KCNH7: variants seen among roughly 807,000 people sequenced by gnomAD.
The protein encoded by KCNH7 is potassium voltage-gated channel subfamily H member 7.
A neutral mutation model predicts 120.8 loss-of-function variants in KCNH7; 49 were observed. That is an observed-to-expected ratio of 0.41 (90% CI 0.32 to 0.51). The LOEUF (loss-of-function observed/expected upper bound fraction) is 0.51, where lower values mean the gene tolerates loss of function less well. Among genes scored for constraint, KCNH7 ranks in the 20% least tolerant of loss-of-function variants. The probability of loss-of-function intolerance (pLI) is 0.38; values close to 1 mark genes in which losing one functional copy is unlikely to be tolerated. For synonymous variants in KCNH7, 547 were observed against 516.1 expected, an observed-to-expected ratio of 1.06 and a Z score of -0.81; for missense variants, 1,097 against 1,446.6, an observed-to-expected ratio of 0.76 and a Z score of 3.92.
chr2:162,500,678 A>C lies in KCNH7; in HGVS notation c.1128+3765T>G, dbSNP rs192114858. Among the ~76,000 whole-genome samples the C allele has an allele frequency of 1.4e-4, 22 of 152,190 alleles. No homozygotes were observed. In the East Asian group the frequency reaches 4.3e-3, roughly 30 times the overall value. On this transcript the variant is annotated intron_variant, in intron 6 of 15. Coordinates refer to ENST00000332142, the MANE Select transcript of KCNH7 (RefSeq NM_033272.4). ...ATTTATTGTTGAATAATCTATAAGC[A>C]AAATCTTGACTTCTTTTGAAGAAAG... is the stretch of plus-strand genomic sequence containing the variant.
intron 2 of KCNH7, among the ~76,000 whole-genome samples, chr2:162,708,563 G>A (rs1686799225): frequency 1.3e-5 from 2 of 152,126 alleles, no homozygotes; most frequent in East Asian, 1.9e-4. Context: ...GTGAAGCTCA[G>A]GAAGCTCATC....
chr2:162,665,301 C>A (rs2105285588), intron 2 of KCNH7, among the ~76,000 whole-genome samples: 1 of 152,026 alleles, frequency 6.6e-6, no homozygotes, highest in South Asian at 2.1e-4. Context: ...CAAACAAAAT[C>A]CTCATTTTTA....
At chr2:162,551,944 A>AT in intron 2 of KCNH7, among the ~76,000 whole-genome samples, 1 of 152,140 alleles carries the variant, frequency 6.6e-6, no homozygotes, top group Non-Finnish European at 1.5e-5. Flanking sequence ...GAAATGTAAC[A>AT]TTTTTCTGTA....
intron 2 of KCNH7, among the ~76,000 whole-genome samples, chr2:162,807,075 A>C (rs1435997163): frequency 6.6e-6 from 1 of 151,686 alleles, no homozygotes; most frequent in Non-Finnish European, 1.5e-5. Context: ...ATCAAAATGC[A>C]ATCGATGACC....
intron 2 of KCNH7, among the ~76,000 whole-genome samples, chr2:162,809,417 A>G (rs1166837241): frequency 6.6e-6 from 1 of 152,184 alleles, no homozygotes; most frequent in Admixed American, 6.5e-5. Context: ...TCAGAATGAC[A>G]TTTTAGAAAT....
intron 4 of KCNH7, 96 bp downstream of exon 4, chr2:162,517,634 A>G (rs1175070644): frequency 6.6e-6 from 7 of 1,053,610 alleles, no homozygotes; most frequent in South Asian, 1.8e-5. Context: ...TCTTTCCCCA[A>G]TGCACAGAGA....
intron 8 of KCNH7, among the ~76,000 whole-genome samples, chr2:162,432,687 T>C (rs1193514909): frequency 6.6e-6 from 1 of 151,910 alleles, no homozygotes; most frequent in Non-Finnish European, 1.5e-5. Context: ...AGCAATCTGT[T>C]GCAAACCCAC....
chr2:162,672,884 A>G (rs1319895516), intron 2 of KCNH7, among the ~76,000 whole-genome samples: 2 of 152,030 alleles, frequency 1.3e-5, no homozygotes, highest in Non-Finnish European at 2.9e-5. Flanking sequence ...AACAGCTCAA[A>G]TTTACTGATG....
intron 2 of KCNH7, among the ~76,000 whole-genome samples, chr2:162,815,294 T>C (rs1684879630): frequency 6.6e-6 from 1 of 152,186 alleles, no homozygotes; most frequent in Admixed American, 6.5e-5. Context: ...AGATTACAAA[T>C]AGATATAAGT....
At chr2:162,384,342 TAC>T (rs1686512057) in intron 13 of KCNH7, among the ~76,000 whole-genome samples, 2 of 151,858 alleles carry the variant, frequency 1.3e-5, no homozygotes, top group South Asian at 4.1e-4. Context: ...GTACATAAGA[TAC>T]ATATAAAGAA....
At chr2:162,663,035 C>T (rs1313718015) in intron 2 of KCNH7, among the ~76,000 whole-genome samples, 3 of 152,130 alleles carry the variant, frequency 2.0e-5, no homozygotes, top group Non-Finnish European at 4.4e-5. Flanking sequence ...TAAGGCTTCT[C>T]TTACATGGTG....
In KCNH7 at chr2:162,808,532, T is replaced by C. The variant is rs1684627810; in HGVS notation, c.307+28005A>G. On this transcript the variant is annotated intron_variant, in intron 2 of 15. Coordinates refer to ENST00000332142, the MANE Select transcript of KCNH7 (RefSeq NM_033272.4). ...TTGTTTTTACTAAATTTGTATTAAC[T>C]TTTAAGTGATTTTTAAATTTAAAAA... 3.3e-5 allele frequency among the ~76,000 whole-genome samples: 5 copies of C among 152,224 alleles called. No homozygotes were observed. In the South Asian group the frequency reaches 6.2e-4, roughly 19 times the overall value.
chr2:162,524,391 G>T (rs757898768), intron 3 of KCNH7, among the ~76,000 whole-genome samples: 12 of 152,018 alleles, frequency 7.9e-5, no homozygotes, highest in Middle Eastern at 3.2e-3. Flanking sequence ...CCAGGGAGGG[G>T]CAGCAGTGTA....
intron 2 of KCNH7, among the ~76,000 whole-genome samples, chr2:162,687,888 G>T (rs552172891): frequency 1.3e-5 from 2 of 152,108 alleles, no homozygotes; most frequent in Non-Finnish European, 2.9e-5. Context: ...CTATGTGTAT[G>T]TACAATGCAG....
chr2:162,399,901 T>G (rs1687020285), intron 10 of KCNH7, among the ~76,000 whole-genome samples: 1 of 151,898 alleles, frequency 6.6e-6, no homozygotes, highest in African/African-American at 2.4e-5. Flanking sequence ...AAAAAGAATA[T>G]GCTTACTATT....
intron 2 of KCNH7, among the ~76,000 whole-genome samples, chr2:162,685,954 A>G (rs148904323): frequency 4.7e-4 from 72 of 152,238 alleles, no homozygotes; most frequent in African/African-American, 9.1e-4. Context: ...TAAAATAGAT[A>G]TCTCACCCTA....
intron 12 of KCNH7, among the ~76,000 whole-genome samples, chr2:162,386,722 C>A (rs1469271349): frequency 6.6e-6 from 1 of 151,814 alleles, no homozygotes; most frequent in Non-Finnish European, 1.5e-5. Context: ...TGGATATTTG[C>A]AATGAATTTA....
At chr2:162,827,849 C>CA (rs1204090092) in intron 2 of KCNH7, among the ~76,000 whole-genome samples, 1 of 152,024 alleles carries the variant, frequency 6.6e-6, no homozygotes, top group African/African-American at 2.4e-5. Context: ...CGTCTGCTCC[C>CA]AAAGCTGTCA....
At chr2:162,571,373 C>A (rs1693467646) in intron 2 of KCNH7, among the ~76,000 whole-genome samples, 1 of 151,570 alleles carries the variant, frequency 6.6e-6, no homozygotes. Context: ...GAACTACAAA[C>A]CACTGCTCAA....
Sources: allele counts gnomAD v4.1 joint callset (sites outside exome capture counted in the v4.1 genomes callset), GRCh38; gene constraint gnomAD v4.1.1; transcripts MANE v1.5; gene names NCBI Gene and HGNC (gene_info 2026-07-23, HGNC 2026-07-21).